Variants in MIPOL1 observed in about 807,000 individuals in gnomAD.
MIPOL1 encodes the protein mirror-image polydactyly gene 1 protein.
A neutral mutation model predicts 60.9 loss-of-function variants in MIPOL1; 57 were observed. That is an observed-to-expected ratio of 0.94 (90% CI 0.76 to 1.17). The LOEUF (loss-of-function observed/expected upper bound fraction) is 1.17, where lower values mean the gene tolerates loss of function less well. MIPOL1 is among the 50% of genes most tolerant of loss of function. The probability of loss-of-function intolerance (pLI) is 0.00; values close to 1 mark genes in which losing one functional copy is unlikely to be tolerated. For missense variants in MIPOL1, 551 were observed against 511.6 expected, an observed-to-expected ratio of 1.08 and a Z score of -0.74; for synonymous variants, 179 against 168.8, an observed-to-expected ratio of 1.06 and a Z score of -0.47.
At chr14:37,324,723 T>C (rs1379648825) in intron 9 of MIPOL1, among the ~76,000 whole-genome samples, 1 of 152,134 alleles carries the variant, frequency 6.6e-6, no homozygotes, top group African/African-American at 2.4e-5. Context: ...TTACTTATCA[T>C]GTATGGTAAG....
chr14:37,277,870 T>G (rs1291566218), intron 6 of MIPOL1: 1 of 151,486 alleles, frequency 6.6e-6, no homozygotes, highest in East Asian at 1.9e-4. Flanking sequence ...TACAATCTAA[T>G]ATTAGGAGCA....
At chr14:37,459,465 C>T (rs146864517) in intron 11 of MIPOL1, among the ~76,000 whole-genome samples, 210 of 152,058 alleles carry the variant, frequency 1.4e-3, no homozygotes, top group African/African-American at 4.3e-3. Context: ...GATTGAACCA[C>T]GAAGAAATAG....
At position 37,536,028 on chromosome 14, in the gene MIPOL1, C is replaced by T. The variant is rs367889210; in HGVS notation, c.1263-10877C>T. 2.0e-5 allele frequency among the ~76,000 whole-genome samples: 3 copies of T among 152,224 alleles called. No individual in the cohort carries two copies. In the South Asian group the frequency reaches 6.2e-4, roughly 32 times the overall value. On this transcript the variant is annotated intron_variant, in intron 12 of 12. Coordinates refer to ENST00000684589, the MANE Select transcript of MIPOL1 (RefSeq NM_001388067.1). ...CAAGCAATCCTCCAACCTCGGCCTT[C>T]CTAGTATCTGGGACCACAGGCATGC...
At chr14:37,289,590 T>C (rs1196946038) in intron 7 of MIPOL1, among the ~76,000 whole-genome samples, 2 of 152,148 alleles carry the variant, frequency 1.3e-5, no homozygotes, top group Non-Finnish European at 2.9e-5. Context: ...GGTCAAGGTA[T>C]GGGGGAAGAG....
chr14:37,473,000 T>G (rs768422195), intron 11 of MIPOL1, among the ~76,000 whole-genome samples: 2 of 152,170 alleles, frequency 1.3e-5, no homozygotes, highest in Non-Finnish European at 2.9e-5. Context: ...CTGCTGTAGC[T>G]TGGCTGTTTG....
chr14:37,411,323 T>G (rs531417180), intron 10 of MIPOL1, among the ~76,000 whole-genome samples: 2 of 152,270 alleles, frequency 1.3e-5, no homozygotes, highest in Non-Finnish European at 2.9e-5. Flanking sequence ...CACTATGAAT[T>G]TCTTTTTTCC....
Position 37,210,546 on chromosome 14 carries a change from C to T in MIPOL1, c.-199+12442C>T, listed in dbSNP as rs1048718344. Reference sequence around the variant, plus strand: ...GCAGAACTAGCCAAGTAGATGGACTCGCGGGATTCCTCTAATCAGTCTCCT... The same window carrying T: ...GCAGAACTAGCCAAGTAGATGGACTTGCGGGATTCCTCTAATCAGTCTCCT... On this transcript the variant is annotated intron_variant, in intron 1 of 12. Coordinates refer to ENST00000684589, the MANE Select transcript of MIPOL1 (RefSeq NM_001388067.1). Among the ~76,000 whole-genome samples, 22 of 152,072 alleles carry T rather than the reference C, an allele frequency of 1.4e-4. 1 individual carries two copies. The highest frequency in any genetic ancestry group is 2.2e-4 in the Non-Finnish European group (15 of 68,024).
intron 10 of MIPOL1, chr14:37,401,249 C>A (rs2093476007): frequency 6.6e-6 from 1 of 151,822 alleles, no homozygotes; most frequent in South Asian, 2.1e-4. Flanking sequence ...AAACCCTATT[C>A]AAAGAAATAA....
chr14:37,292,816 T>C (rs1366815625), intron 7 of MIPOL1, among the ~76,000 whole-genome samples: 1 of 152,158 alleles, frequency 6.6e-6, no homozygotes, highest in African/African-American at 2.4e-5. Context: ...GTTTGCCTTC[T>C]TTGAGCTGCC....
chr14:37,359,243 A>G (rs1418536187), intron 9 of MIPOL1, among the ~76,000 whole-genome samples: 2 of 152,110 alleles, frequency 1.3e-5, no homozygotes, highest in East Asian at 3.9e-4. Flanking sequence ...GTAGCCTTGT[A>G]GTGTAGTTTG....
intron 9 of MIPOL1, among the ~76,000 whole-genome samples, chr14:37,334,556 A>G (rs935635135): frequency 1.3e-5 from 2 of 152,018 alleles, no homozygotes; most frequent in Non-Finnish European, 2.9e-5. Context: ...AGTATACAAT[A>G]TAATATTTTT....
chr14:37,445,315 A>G (rs1309459511), intron 11 of MIPOL1, among the ~76,000 whole-genome samples: 1 of 152,212 alleles, frequency 6.6e-6, no homozygotes, highest in Non-Finnish European at 1.5e-5. Flanking sequence ...GTGAACTCCC[A>G]TTCACAATTG....
intron 10 of MIPOL1, among the ~76,000 whole-genome samples, chr14:37,406,556 C>T (rs1448023059): frequency 6.6e-6 from 1 of 152,048 alleles, no homozygotes; most frequent in African/African-American, 2.4e-5. Context: ...TCTGTGTGCT[C>T]ATGTTCTTAG....
intron 1 of MIPOL1, among the ~76,000 whole-genome samples, chr14:37,206,921 C>T (rs965012266): frequency 6.6e-6 from 1 of 152,298 alleles, no homozygotes; most frequent in East Asian, 1.9e-4. Context: ...AACTAACTTG[C>T]TTTTGATTTT....
Position 37,223,101 on chromosome 14 carries a change from C to T in MIPOL1, c.-198-24002C>T, listed in dbSNP as rs976353486. ...AGGCTGGAGTGCAGTAATGTGATCT[C>T]AGCTTACCGCAAACTCCACCTCCTG... On this transcript the variant is annotated intron_variant, in intron 1 of 12. Coordinates refer to ENST00000684589, the MANE Select transcript of MIPOL1 (RefSeq NM_001388067.1). Among the ~76,000 whole-genome samples the T allele has an allele frequency of 2.9e-4, 44 of 152,104 alleles. 1 individual carries two copies. Among genetic ancestry groups the T allele is most frequent in the African/African-American group, 1.1e-3 (44 of 41,396 alleles).
intron 11 of MIPOL1, among the ~76,000 whole-genome samples, chr14:37,484,114 C>T (rs948680218): frequency 1.3e-5 from 2 of 152,130 alleles, no homozygotes; most frequent in African/African-American, 2.4e-5. Context: ...GCTATGAGTT[C>T]TGTCATTTGT....
chr14:37,518,076 A>G (rs189340280), intron 12 of MIPOL1, among the ~76,000 whole-genome samples: 2 of 152,332 alleles, frequency 1.3e-5, no homozygotes, highest in East Asian at 3.9e-4. Context: ...TCTTTTGATC[A>G]TCATACTTTG....
intron 1 of MIPOL1, among the ~76,000 whole-genome samples, chr14:37,230,683 A>G (rs1404468542): frequency 6.6e-6 from 1 of 152,200 alleles, no homozygotes; most frequent in African/African-American, 2.4e-5. Context: ...TTATAGATGA[A>G]AAGCTGGGTT....
At chr14:37,451,799 T>C (rs1391154881) in intron 11 of MIPOL1, among the ~76,000 whole-genome samples, 2 of 137,610 alleles carry the variant, frequency 1.5e-5, no homozygotes, top group African/African-American at 5.7e-5. Context: ...GTTCTTTTGT[T>C]TATTCTCTCT....
Sources: allele counts gnomAD v4.1 joint callset (sites outside exome capture counted in the v4.1 genomes callset), GRCh38; gene constraint gnomAD v4.1.1; transcripts MANE v1.5; gene names NCBI Gene and HGNC (gene_info 2026-07-23, HGNC 2026-07-21).